The following IPO11 variants were observed in gnomAD, a reference collection of about 807,000 sequenced individuals.
The protein encoded by IPO11 is importin 11.
A neutral mutation model predicts 143.2 loss-of-function variants in IPO11; 66 were observed. That is an observed-to-expected ratio of 0.46 (90% CI 0.38 to 0.57). IPO11 has a LOEUF of 0.57. Among genes scored for constraint, IPO11 ranks in the 20% least tolerant of loss-of-function variants. The probability of loss-of-function intolerance (pLI) is 0.00; values close to 1 mark genes in which losing one functional copy is unlikely to be tolerated. For missense variants in IPO11, 1,026 were observed against 1,141.0 expected (o/e 0.90, Z 1.45); for synonymous variants, 385 against 377.8 (o/e 1.02, Z -0.22).
intron 1 of IPO11, among the ~76,000 whole-genome samples, chr5:62,424,708 G>A (rs1743656553): frequency 6.6e-6 from 1 of 151,396 alleles, no homozygotes; most frequent in South Asian, 2.1e-4. Context: ...TCCCAAATTG[G>A]TGGGATTACA....
At chr5:62,510,033 G>C (rs970087927) in intron 19 of IPO11, among the ~76,000 whole-genome samples, 2 of 152,128 alleles carry the variant, frequency 1.3e-5, no homozygotes, top group East Asian at 3.9e-4. Context: ...AAAGATACCA[G>C]TTTCTCCACA....
chr5:62,591,512 A>G, intron 27 of IPO11, 65 bp from the exon 28 acceptor site: 1 of 945,712 alleles, frequency 1.1e-6, no homozygotes, highest in Middle Eastern at 2.4e-4. Context: ...ATGTTTAGGA[A>G]AAAAAAAACA....
chr5:62,521,326 A>C (rs1426658713), intron 20 of IPO11, among the ~76,000 whole-genome samples: 3 of 152,172 alleles, frequency 2.0e-5, no homozygotes, highest in Admixed American at 2.0e-4. Flanking sequence ...TTCTAGTTTC[A>C]AATTGATTAG....
chr5:62,526,916 A>G (rs763991759), intron 21 of IPO11, among the ~76,000 whole-genome samples: 11 of 152,250 alleles, frequency 7.2e-5, no homozygotes, highest in Non-Finnish European at 1.5e-4. Context: ...AGTTAAAGAA[A>G]GCAAATCATA....
intron 27 of IPO11, among the ~76,000 whole-genome samples, chr5:62,563,248 A>G (rs1317731475): frequency 6.6e-6 from 1 of 152,220 alleles, no homozygotes; most frequent in Non-Finnish European, 1.5e-5. Context: ...TGAAATGTTA[A>G]AGAACATGGT....
intron 27 of IPO11, chr5:62,580,981 C>CT: frequency 1.2e-5 from 19 of 1,551,144 alleles, no homozygotes; most frequent in Non-Finnish European, 1.7e-5. Context: ...GAAAACATCT[C>CT]TAATTTGTAC....
chr5:62,527,991 G>A (rs545131664), intron 21 of IPO11, among the ~76,000 whole-genome samples: 105 of 152,236 alleles, frequency 6.9e-4, no homozygotes, highest in South Asian at 1.7e-3. Context: ...CCCTTACATG[G>A]TTGTTGTGAA....
At chr5:62,607,865 C>A (rs1489437808) in intron 29 of IPO11, among the ~76,000 whole-genome samples, 1 of 151,006 alleles carries the variant, frequency 6.6e-6, no homozygotes, top group Non-Finnish European at 1.5e-5. Flanking sequence ...GCTATCTCAG[C>A]TCACTGCAAC....
chr5:62,607,306 G>A (rs952593420), intron 29 of IPO11, among the ~76,000 whole-genome samples: 1 of 152,096 alleles, frequency 6.6e-6, no homozygotes, highest in African/African-American at 2.4e-5. Flanking sequence ...TATTTCATAA[G>A]GTTTTCTGGA....
At chr5:62,449,843 T>C in intron 3 of IPO11, 84 bp from the exon 4 acceptor site, 1 of 834,182 alleles carries the variant, frequency 1.2e-6, no homozygotes, top group Non-Finnish European at 1.9e-6. Flanking sequence ...GAAAGGCTTT[T>C]TATTAAAATT....
intron 11 of IPO11, among the ~76,000 whole-genome samples, chr5:62,484,531 T>C (rs1746325889): frequency 6.6e-6 from 1 of 151,914 alleles, no homozygotes; most frequent in Non-Finnish European, 1.5e-5. Context: ...CAAAGAAATT[T>C]GGAGGTTTTT....
chr5:62,487,932 T>A (rs1191263051), intron 13 of IPO11, 71 bp downstream of exon 13: 21 of 1,244,798 alleles, frequency 1.7e-5, no homozygotes, highest in Non-Finnish European at 2.3e-5. Context: ...TCTGAGTGCC[T>A]ACAATGCATA....
At chr5:62,513,322 C>CA (rs1741851965) in intron 19 of IPO11, among the ~76,000 whole-genome samples, 1 of 91,020 alleles carries the variant, frequency 1.1e-5, no homozygotes, top group Non-Finnish European at 2.2e-5. Context: ...CTGACCCCCC[C>CA]ACCTCCCTCC....
chr5:62,434,288 T>C (rs1744094285), intron 1 of IPO11, among the ~76,000 whole-genome samples: 1 of 148,274 alleles, frequency 6.7e-6, no homozygotes, highest in East Asian at 2.1e-4. Context: ...ACACACTCAG[T>C]TGCAGTCAGT....
chr5:62,580,775 A>G, intron 27 of IPO11: 1 of 1,551,488 alleles, frequency 6.4e-7, no homozygotes, highest in African/African-American at 1.4e-5. Context: ...CCTCTGGAAA[A>G]TACTGAGACT....
At chr5:62,433,474 C>T (rs984069118) in intron 1 of IPO11, among the ~76,000 whole-genome samples, 7 of 152,160 alleles carry the variant, frequency 4.6e-5, no homozygotes, top group Non-Finnish European at 1.0e-4. Flanking sequence ...ACGTACTTTT[C>T]ACAATTTGTT....
chr5:62,494,117 A>AT lies in IPO11; in HGVS notation c.1586dup (p.Leu529PhefsTer6). 1 of 1,609,986 alleles carries AT rather than the reference A, an allele frequency of 6.2e-7. No homozygotes were observed. Among genetic ancestry groups the AT allele is most frequent in the South Asian group, 1.1e-5 (1 of 89,962 alleles). ...ATCTGTAACTTGCTTCAAGATCAAG[A>AT]TTTAGTGGTATGTTTCTTAAGTGCC... On this transcript the variant is annotated frameshift_variant, in exon 16 of 30. Coordinates refer to ENST00000325324, the MANE Select transcript of IPO11 (RefSeq NM_016338.5). LOFTEE classifies it high-confidence loss of function.
intron 5 of IPO11, among the ~76,000 whole-genome samples, chr5:62,458,636 ACT>A (rs1414461665): frequency 2.6e-5 from 4 of 151,988 alleles, no homozygotes; most frequent in African/African-American, 7.2e-5. Context: ...TTAAAGAGTG[ACT>A]CTCTTAAAGG....
At chr5:62,561,373 G>A (rs1743765916) in intron 27 of IPO11, 116 bp downstream of exon 27, 1 of 467,354 alleles carries the variant, frequency 2.1e-6, no homozygotes, top group Admixed American at 4.7e-5. Flanking sequence ...ATATATGGAT[G>A]TGAATTTTGT....
Sources: gnomAD v4.1 joint callset for allele counts (sites outside exome capture counted in the v4.1 genomes callset) on GRCh38, gnomAD v4.1.1 for gene constraint, MANE v1.5 for transcripts, NCBI Gene and HGNC (gene_info 2026-07-23, HGNC 2026-07-21) for gene names.